Variants in MAK observed in about 807,000 individuals in gnomAD.
The protein encoded by MAK is serine/threonine-protein kinase MAK.
In MAK, 65 loss-of-function variants were observed where a neutral mutation model predicts 82.6. The ratio of observed to expected loss-of-function variants is 0.79; its 90% confidence interval spans 0.64 to 0.97. MAK has a LOEUF of 0.97. MAK is among the 50% of genes least tolerant of loss of function. The probability of loss-of-function intolerance (pLI) is 0.00; values close to 1 mark genes in which losing one functional copy is unlikely to be tolerated. For missense variants in MAK, 703 were observed against 780.2 expected (o/e 0.90, Z 1.18); for synonymous variants, 250 against 274.2 (o/e 0.91, Z 0.87).
intron 12 of MAK, among the ~76,000 whole-genome samples, chr6:10,773,418 T>C (rs1240751019): frequency 6.6e-6 from 1 of 152,172 alleles, no homozygotes; most frequent in Admixed American, 6.5e-5. Flanking sequence ...CGACATTAAA[T>C]GGATAAACTG....
chr6:10,781,184 G>A (rs59070300), intron 11 of MAK, among the ~76,000 whole-genome samples: 267 of 152,292 alleles, frequency 1.8e-3, no homozygotes, highest in African/African-American at 5.9e-3. Context: ...CAGCCAAAAT[G>A]AGGCCTGCCA....
chr6:10,791,528 A>G (rs912248322), intron 10 of MAK, 147 bp downstream of exon 10: 3 of 704,062 alleles, frequency 4.3e-6, no homozygotes, highest in Non-Finnish European at 7.1e-6. Context: ...CGGCCTCCCA[A>G]AGTGCTGGGA....
rs2005990 is a variant in MAK at position 10,809,884 on chromosome 6, G to C, written c.359-942C>G. On this transcript the variant is annotated intron_variant, in intron 5 of 14. Coordinates refer to ENST00000354489, the MANE Select transcript of MAK (RefSeq NM_001242957.3). The stretch of plus-strand genomic sequence containing the variant: ...GGAGGCCGAGGTAGGTGGATCATGA[G>C]GTCAGGAGTTTGAGACCAGCCTGGC... Among the ~76,000 whole-genome samples the C allele has an allele frequency of 3.3e-5, 5 of 152,140 alleles. No individual in the cohort carries two copies. In the East Asian group the frequency reaches 9.7e-4, roughly 30 times the overall value.
intron 4 of MAK, among the ~76,000 whole-genome samples, chr6:10,814,062 C>A (rs1017627067): frequency 1.4e-4 from 22 of 151,964 alleles, no homozygotes; most frequent in African/African-American, 4.8e-4. Flanking sequence ...CTCCACCTCC[C>A]GGGTTCAAGT....
chr6:10,837,456 T>C (rs768850725), intron 1 of MAK, among the ~76,000 whole-genome samples: 36 of 152,264 alleles, frequency 2.4e-4, no homozygotes, highest in Admixed American at 3.3e-4. Flanking sequence ...GGTGGCGCGG[T>C]TGGGGGAACT....
intron 4 of MAK, among the ~76,000 whole-genome samples, chr6:10,817,129 AGTGTGTGTGT>A (rs60627741): frequency 1.3e-5 from 2 of 149,840 alleles, no homozygotes; most frequent in Non-Finnish European, 3.0e-5. Context: ...CTTGAGCGAG[AGTGTGTGTGT>A]GTGTGTGTGT....
rs990658688 is a variant in MAK, at chr6:10,770,335, T to C, written c.1673-105A>G. The C allele has an allele frequency of 3.0e-6, 4 of 1,350,118 alleles. No individual in the cohort carries two copies. The African/African-American group carries it at 4.3e-5, about 15-fold the overall frequency. The allele number at this position is 1,350,118 out of a possible 1,614,324, so 83.6% of individuals were successfully genotyped here. A position where few individuals can be genotyped will look rare whatever the true frequency, so the allele number is the denominator to read the frequency against. On this transcript the variant is annotated intron_variant, in intron 13 of 14. Transcript: ENST00000354489. ...TACTTCTAAATACTATTTTTCAGCA[T>C]CTACTATGTTTTAGGCACTGAGCTG...
chr6:10,774,213 A>G (rs986038818), intron 12 of MAK, among the ~76,000 whole-genome samples: 1 of 151,106 alleles, frequency 6.6e-6, no homozygotes, highest in African/African-American at 2.4e-5. Context: ...ACTTTTTTTA[A>G]TTTCTTGTAA....
chr6:10,822,146 C>CA (rs751345869), intron 2 of MAK, among the ~76,000 whole-genome samples: 3,032 of 35,690 alleles, frequency 0.085, 255 homozygotes, highest in African/African-American at 0.21. Flanking sequence ...GACTCCGTCT[C>CA]AAAAAAAAAA....
At chr6:10,766,477 TA>T (rs2127504152) in intron 14 of MAK, among the ~76,000 whole-genome samples, 1 of 152,318 alleles carries the variant, frequency 6.6e-6, no homozygotes, top group African/African-American at 2.4e-5. Context: ...TTACTGGGCT[TA>T]AAATTCTCAA....
intron 5 of MAK, among the ~76,000 whole-genome samples, chr6:10,813,134 AAATTTTTTTTTTTTT>A (rs1777177568): frequency 1.4e-3 from 1 of 728 alleles, no homozygotes; most frequent in African/African-American, 3.0e-3. Flanking sequence ...ATATATATAT[AAATTTTTTTTTTTTT>A]TTTTTTTTTT....
intron 9 of MAK, 68 bp from the exon 10 acceptor site, chr6:10,791,915 A>G: frequency 6.6e-7 from 1 of 1,519,740 alleles, no homozygotes. Context: ...ACAAGCTACT[A>G]TCTATGTAAG....
At chr6:10,807,620 G>A (rs1289052138) in intron 6 of MAK, among the ~76,000 whole-genome samples, 3 of 151,772 alleles carry the variant, frequency 2.0e-5, no homozygotes, top group African/African-American at 7.3e-5. Flanking sequence ...GATTACAGGC[G>A]TGAGCCACCA....
In MAK at chr6:10,764,580, G is replaced by C. The variant is rs199594233; in HGVS notation, c.1819C>G (p.Arg607Gly). 1 of 1,613,808 alleles carries C rather than the reference G, an allele frequency of 6.2e-7. No individual in the cohort carries two copies. Among genetic ancestry groups the C allele is most frequent in the East Asian group, 2.2e-5 (1 of 44,880 alleles). Residue 607 changes from arginine (R) to glycine (G), a missense_variant, in exon 15 of 15, where the codon CGG (arginine) becomes GGG (glycine). By Grantham distance (125) the Arg-to-Gly change is moderately radical (BLOSUM62 -2). Transcript: ENST00000354489. ...SEYTWNTKTG[R>G]GQFSGRTYNP... ...TAAGTACGTCCTGAAAACTGCCCCC[G>C]ACCAGTTTTTGTGTTCCAGGTATAT...
chr6:10,827,212 C>T (rs1383139084), intron 2 of MAK, among the ~76,000 whole-genome samples: 1 of 152,138 alleles, frequency 6.6e-6, no homozygotes, highest in East Asian at 1.9e-4. Flanking sequence ...TAAAACCAGA[C>T]AGTAATAACC....
At chr6:10,798,835 T>C (rs993918035) in intron 8 of MAK, among the ~76,000 whole-genome samples, 1 of 149,794 alleles carries the variant, frequency 6.7e-6, no homozygotes, top group Admixed American at 6.6e-5. Context: ...TATTTATTTA[T>C]TTATTTATTT....
chr6:10,816,523 A>T (rs1416853307), intron 4 of MAK, among the ~76,000 whole-genome samples: 1 of 152,154 alleles, frequency 6.6e-6, no homozygotes, highest in Middle Eastern at 3.2e-3. Flanking sequence ...GAGGCTGAAA[A>T]TTAAGATTAC....
intron 2 of MAK, among the ~76,000 whole-genome samples, chr6:10,824,920 C>A (rs559281521): frequency 6.6e-6 from 1 of 152,188 alleles, no homozygotes; most frequent in Non-Finnish European, 1.5e-5. Flanking sequence ...TGAAATATCA[C>A]AAGGCCATTT....
In MAK at chr6:10,796,287, T is replaced by G. The variant is rs1435173021; in HGVS notation, c.854A>C (p.Gln285Pro). The G allele has an allele frequency of 6.2e-7, 1 of 1,613,670 alleles. No homozygotes were observed. The highest frequency in any genetic ancestry group is 1.7e-5 in the Admixed American group (1 of 60,014). ...ASQALKHPYF[Q>P]VGQVLGPSSN... ...CGAAGGGCCTAATACCTGACCAACT[T>G]GAAAATATGGGTGTTTCAATGCCTA... Residue 285 changes from glutamine (Q) to proline (P), a missense_variant, in exon 9 of 15, where the codon CAA becomes CCA. Transcript: ENST00000354489.
Sources: gnomAD v4.1 joint callset for allele counts (sites outside exome capture counted in the v4.1 genomes callset) on GRCh38, gnomAD v4.1.1 for gene constraint, MANE v1.5 for transcripts, NCBI Gene and HGNC (gene_info 2026-07-23, HGNC 2026-07-21) for gene names.